The following JPT2 variants were observed in gnomAD, a reference collection of about 807,000 sequenced individuals.
JPT2 encodes the protein CRAMP_1 like.
JPT2 carries 9 observed loss-of-function variants against 15.9 expected under a neutral mutation model. That is an observed-to-expected ratio of 0.57 (90% CI 0.34 to 0.99). JPT2 has a LOEUF of 0.99. Ranked by LOEUF, JPT2 falls within the 50% of genes least tolerant of loss-of-function variation. The probability of loss-of-function intolerance (pLI) is 0.02; values close to 1 mark genes in which losing one functional copy is unlikely to be tolerated. For synonymous variants in JPT2, 95 were observed against 91.7 expected (o/e 1.04, Z -0.21); for missense variants, 267 against 252.1 (o/e 1.06, Z -0.40).
chr16:1,684,962 T>A (rs2369489), intron 1 of JPT2, among the ~76,000 whole-genome samples: 147,142 of 152,178 alleles, frequency 0.97, 71,176 homozygotes, highest in East Asian at 1. Context: ...GCAGCAGAAG[T>A]AGTCTGGCGT....
In JPT2 at chr16:1,698,011, A is replaced by T. The variant is rs568245551; in HGVS notation, c.385+151A>T. 5.8e-6 allele frequency: 4 copies of T among 693,516 alleles called. No homozygotes were observed. In the Admixed American group the frequency reaches 1.1e-4, roughly 19 times the overall value. 43.0% of individuals were successfully genotyped at this position (693,516 alleles called of 1,614,324 possible). A position where few individuals can be genotyped will look rare whatever the true frequency, so the allele number is the denominator to read the frequency against. On this transcript the variant is annotated intron_variant, in intron 4 of 4. Transcript: ENST00000248098. The surrounding 1 kb of genome is among the most constrained non-coding windows in gnomAD (Gnocchi z 4.9). The stretch of plus-strand genomic sequence containing the variant: ...GCTCAGGTGTATCCACTGCAAGAGG[A>T]TTCAGCATTTGAAGAAGGCTAGGGT...
chr16:1,692,125 T>G (rs1377341163), intron 3 of JPT2, 140 bp downstream of exon 3: 1 of 1,141,102 alleles, frequency 8.8e-7, no homozygotes, highest in Admixed American at 2.4e-5. Flanking sequence ...CAAGCATTAG[T>G]CATCGAGTTT....
rs1376553642 is a variant in JPT2 at position 1,678,312 on chromosome 16, C to T, written c.-1C>T. ...GCGAGCTGAGGGTGGCGGCGGTCGA[C>T]ATGTTCCAGGTCCCGGATAGCGAGG... On this transcript the variant is annotated 5_prime_UTR_variant, in exon 1 of 5. Coordinates refer to ENST00000248098, the MANE Select transcript of JPT2 (RefSeq NM_144570.3). 3 of 1,237,918 alleles carry T rather than the reference C, an allele frequency of 2.4e-6. No homozygotes were observed. Among genetic ancestry groups the T allele is most frequent in the Non-Finnish European group, 2.0e-6 (2 of 987,736 alleles). 76.7% of individuals were successfully genotyped at this position (1,237,918 alleles called of 1,614,324 possible). A position where few individuals can be genotyped will look rare whatever the true frequency, so the allele number is the denominator to read the frequency against.
intron 3 of JPT2, 50 bp downstream of exon 3, chr16:1,692,035 C>T (rs2037107206): frequency 1.2e-6 from 2 of 1,601,964 alleles, no homozygotes; most frequent in South Asian, 1.1e-5. Flanking sequence ...ATGCCAGGTG[C>T]TCTTTCCAAA....
At chr16:1,678,558 G>T in intron 1 of JPT2, among the ~76,000 whole-genome samples, 1 of 152,094 alleles carries the variant, frequency 6.6e-6, no homozygotes, top group Non-Finnish European at 1.5e-5. Flanking sequence ...GCTCGCTGAG[G>T]CCCGGGCTGT....
At chr16:1,689,900 G>A (rs996463522) in intron 2 of JPT2, 5 of 152,314 alleles carry the variant, frequency 3.3e-5, no homozygotes, top group African/African-American at 1.2e-4. Context: ...GCTCTCCCTG[G>A]CCAGGGGTGT....
intron 1 of JPT2, chr16:1,680,580 G>C: frequency 9.8e-7 from 1 of 1,017,482 alleles, no homozygotes; most frequent in Non-Finnish European, 1.2e-6. Flanking sequence ...TCGCAGGGCG[G>C]GCGCCTTGTA....
At chr16:1,694,021 G>A (rs1013009678) in intron 3 of JPT2, among the ~76,000 whole-genome samples, 1 of 152,056 alleles carries the variant, frequency 6.6e-6, no homozygotes, top group African/African-American at 2.4e-5. Context: ...CTGCGAAAGC[G>A]GGCAGATGAC....
intron 1 of JPT2, chr16:1,680,669 A>G (rs1221941500): frequency 4.9e-6 from 1 of 204,390 alleles, no homozygotes; most frequent in Non-Finnish European, 9.3e-6. Flanking sequence ...CTCTCCTGAG[A>G]CCTCACATCT....
At chr16:1,687,127 C>T (rs1251816686) in intron 2 of JPT2, among the ~76,000 whole-genome samples, 1 of 152,046 alleles carries the variant, frequency 6.6e-6, no homozygotes, top group Non-Finnish European at 1.5e-5. Context: ...GGACTACGGG[C>T]GTATGCCACC....
intron 4 of JPT2, 133 bp downstream of exon 4, chr16:1,697,993 T>A: frequency 2.7e-6 from 2 of 746,354 alleles, no homozygotes; most frequent in East Asian, 5.0e-5. Flanking sequence ...CGAGCTCAGG[T>A]GTATCCACTG....
At chr16:1,683,417 T>C (rs2037040139) in intron 1 of JPT2, 1 of 622,804 alleles carries the variant, frequency 1.6e-6, no homozygotes, top group Non-Finnish European at 2.8e-6. Context: ...GGACAGCCCT[T>C]TCTCATTTAA....
At chr16:1,697,362 A>G (rs1400506518) in intron 3 of JPT2, among the ~76,000 whole-genome samples, 1 of 151,888 alleles carries the variant, frequency 6.6e-6, no homozygotes, top group Non-Finnish European at 1.5e-5. Flanking sequence ...AAAATAGAAA[A>G]ATTAGCCAGG....
chr16:1,697,965 T>TG (rs548273384), intron 4 of JPT2, 105 bp downstream of exon 4: 1 of 991,428 alleles, frequency 1.0e-6, no homozygotes, highest in Non-Finnish European at 1.6e-6. Context: ...TTGCACCTTC[T>TG]GGGCCACCTG....
rs1390217469 is a variant in JPT2 at position 1,701,883 on chromosome 16, C to G, written c.*2885C>G. The G allele has an allele frequency of 3.5e-6, 1 of 288,434 alleles. No individual in the cohort carries two copies. The highest frequency in any genetic ancestry group is 7.1e-6 in the Non-Finnish European group (1 of 140,734). 17.9% of individuals were successfully genotyped at this position (288,434 alleles called of 1,614,324 possible). ...ACGACCCTGTCTATACAAAAAAAAA[C>G]TTCTCTAAATTAGCCGGATGTGGTG... On this transcript the variant is annotated 3_prime_UTR_variant, in exon 5 of 5. Coordinates refer to ENST00000248098, the MANE Select transcript of JPT2 (RefSeq NM_144570.3).
chr16:1,692,192 G>T (rs945061989), intron 3 of JPT2: 2 of 655,310 alleles, frequency 3.1e-6, no homozygotes, highest in East Asian at 2.9e-5. Context: ...CTGAAGCCGT[G>T]GGGGAAGCTC....
intron 1 of JPT2, among the ~76,000 whole-genome samples, chr16:1,680,744 C>T (rs566293314): frequency 2.0e-5 from 3 of 152,120 alleles, no homozygotes; most frequent in Non-Finnish European, 2.9e-5. Flanking sequence ...ATGCTTTAGC[C>T]GCGATTAACC....
At chr16:1,680,110 A>G (rs1354419854) in intron 1 of JPT2, among the ~76,000 whole-genome samples, 1 of 152,210 alleles carries the variant, frequency 6.6e-6, no homozygotes, top group Non-Finnish European at 1.5e-5. Flanking sequence ...CTAGGTCTGC[A>G]CCGATGTGGG....
At chr16:1,702,202 A>G (rs1567473770), downstream of JPT2, 1 of 455,276 alleles carries the variant, frequency 2.2e-6, no homozygotes, top group Non-Finnish European at 4.4e-6. Context: ...AGGAGGCTCC[A>G]CACCATTCTG....
Sources: gnomAD v4.1 joint callset for allele counts (sites outside exome capture counted in the v4.1 genomes callset) on GRCh38, gnomAD v4.1.1 for gene constraint, Gnocchi (gnomAD v3.1) non-coding constraint, MANE v1.5 for transcripts, NCBI Gene and HGNC (gene_info 2026-07-23, HGNC 2026-07-21) for gene names.